Variants in ASL observed in about 807,000 individuals in gnomAD.
The protein encoded by ASL is argininosuccinate lyase, also known as argininosuccinase.
Under a neutral mutation model 69.1 loss-of-function variants are expected in ASL, and 51 were observed. That is an observed-to-expected ratio of 0.74 (90% CI 0.59 to 0.93). The LOEUF (loss-of-function observed/expected upper bound fraction) is 0.93, where lower values mean the gene tolerates loss of function less well. Ranked by LOEUF, ASL falls within the 40% of genes least tolerant of loss-of-function variation. The pLI, the probability that ASL is intolerant of heterozygous loss-of-function variation, is 0.00. For synonymous variants in ASL, 241 were observed against 247.6 expected, an observed-to-expected ratio of 0.97 and a Z score of 0.25; for missense variants, 540 against 623.9, an observed-to-expected ratio of 0.87 and a Z score of 1.43.
Position 66,081,922 on chromosome 7 carries a change from C to G in ASL, c.132C>G (p.Ala44=). ...AGGTGGATGTTCAAGGCAGCAAAGCCTACAGCAGGGGCCTGGAGAAGGCAG... is the reference window on the plus strand; with the variant it reads ...AGGTGGATGTTCAAGGCAGCAAAGCGTACAGCAGGGGCCTGGAGAAGGCAG... ...LWEVDVQGSK[A]YSRGLEKAGL... is the part of the protein sequence containing the mutation. The change falls in exon 3 of 17, where the codon GCC becomes GCG. Residue 44 remains alanine (A), a synonymous_variant. Transcript: ENST00000304874. The G allele has an allele frequency of 6.2e-7, 1 of 1,613,918 alleles. No homozygotes were observed. Among genetic ancestry groups the G allele is most frequent in the Non-Finnish European group, 8.5e-7 (1 of 1,179,974 alleles).
chr7:66,089,455 C>T (rs1253201749), intron 13 of ASL, 120 bp downstream of exon 13: 30 of 1,452,272 alleles, frequency 2.1e-5, no homozygotes, highest in Non-Finnish European at 2.6e-5. Flanking sequence ...CAGCTCCATC[C>T]GTGGCTGCCC....
rs577153510 is a variant in ASL at position 66,080,076 on chromosome 7, C to A, written c.13-1727C>A. 2.0e-5 allele frequency among the ~76,000 whole-genome samples: 3 copies of A among 152,002 alleles called. No individual in the cohort carries two copies. In the East Asian group the frequency reaches 5.8e-4, roughly 29 times the overall value. On this transcript the variant is annotated intron_variant, in intron 2 of 16. Transcript: ENST00000304874. Reference sequence around the variant, plus strand: ...CTCCAACCTGGGTAACAAAGTGAGACCCTGTGTCTAAAAAAGAATTTAAAG... The same window carrying A: ...CTCCAACCTGGGTAACAAAGTGAGAACCTGTGTCTAAAAAAGAATTTAAAG...
intron 15 of ASL, among the ~76,000 whole-genome samples, chr7:66,092,342 A>C (rs1338406652): frequency 4.6e-5 from 7 of 151,818 alleles, no homozygotes; most frequent in African/African-American, 1.7e-4. Context: ...CTGTAATCCC[A>C]GTTACTCGGG....
chr7:66,081,971 G>A lies in ASL; in HGVS notation c.181G>A (p.Asp61Asn). The A allele has an allele frequency of 6.2e-7, 1 of 1,611,992 alleles. No homozygotes were observed. The highest frequency in any genetic ancestry group is 2.2e-5 in the East Asian group (1 of 44,828). Residue 61 changes from aspartate (D) to asparagine (N), a missense_variant, in exon 3 of 17, where the codon GAC (aspartate) becomes AAC (asparagine). By Grantham distance (23) the Asp-to-Asn change is conservative. Coordinates refer to ENST00000304874, the MANE Select transcript of ASL (RefSeq NM_000048.4). Reference sequence around the variant, plus strand: ...AGGGCTCCTCACCAAGGCCGAGATGGACCAGATACTCCATGGCCTAGACAA... The same window carrying A: ...AGGGCTCCTCACCAAGGCCGAGATGAACCAGATACTCCATGGCCTAGACAA... ...KAGLLTKAEM[D>N]QILHGLDKVA...
At position 66,084,822 on chromosome 7, in the gene ASL, T is replaced by G. The variant is rs532175946; in HGVS notation, c.446+1648T>G. 4.8e-3 allele frequency among the ~76,000 whole-genome samples: 728 copies of G among 152,262 alleles called. 5 individuals carry two copies. Among genetic ancestry groups the G allele is most frequent in the Non-Finnish European group, 6.3e-3 (426 of 68,018 alleles). On this transcript the variant is annotated intron_variant, in intron 6 of 16. Transcript: ENST00000304874. ...TTTTAGTAGAGACGGGGTTTCACCA[T>G]GTTAGCCAGGATGGTCTCAATCTCC... is the stretch of plus-strand genomic sequence containing the variant.
At chr7:66,084,573 G>A (rs1422671331) in intron 6 of ASL, among the ~76,000 whole-genome samples, 2 of 151,988 alleles carry the variant, frequency 1.3e-5, no homozygotes, top group Non-Finnish European at 2.9e-5. Context: ...TCAAACTCCT[G>A]GACTCAAATG....
chr7:66,078,885 T>TGTGGGTTG (rs2115672579), intron 2 of ASL, among the ~76,000 whole-genome samples: 1 of 151,902 alleles, frequency 6.6e-6, no homozygotes, highest in South Asian at 2.1e-4. Context: ...TCCACCTGCC[T>TGTGGGTTG]GGGCCTCCCA....
chr7:66,084,066 G>A (rs1786589266), intron 6 of ASL, among the ~76,000 whole-genome samples: 4 of 152,110 alleles, frequency 2.6e-5, no homozygotes. Context: ...CACAAGAATT[G>A]TCACCCAGCA....
rs1429849711 is a variant in ASL, at chr7:66,092,552, C to T, written c.1144-5C>T. ...CTCAGCGCCATCTTCCTCCCTGGCA[C>T]CCAGATGCCATTCCGCCAGGCCCAC... On this transcript the variant is annotated splice_region_variant and splice_polypyrimidine_tract_variant and intron_variant, in intron 15 of 16. Coordinates refer to ENST00000304874, the MANE Select transcript of ASL (RefSeq NM_000048.4). 3 of 1,606,582 alleles carry T rather than the reference C, an allele frequency of 1.9e-6. No homozygotes were observed. Among genetic ancestry groups the T allele is most frequent in the Non-Finnish European group, 2.5e-6 (3 of 1,179,240 alleles).
chr7:66,086,301 C>T (rs560415301), intron 6 of ASL, among the ~76,000 whole-genome samples: 2 of 152,144 alleles, frequency 1.3e-5, no homozygotes, highest in South Asian at 2.1e-4. Flanking sequence ...GGCCCCTGCT[C>T]GGAGATGCTG....
chr7:66,092,402 G>C (rs912603190), intron 15 of ASL, among the ~76,000 whole-genome samples, 155 bp from the exon 16 acceptor site: 1 of 151,276 alleles, frequency 6.6e-6, no homozygotes, highest in Non-Finnish European at 1.5e-5. Context: ...TTTGCGGTGA[G>C]GTGAGATCGC....
Position 66,089,079 on chromosome 7 carries a change from C to T in ASL, c.834-12C>T. The stretch of plus-strand genomic sequence containing the variant: ...GGTCCAGCCCCTTCAGCGCCAGCAC[C>T]TCTGTCCCCAGCACGGGAAGCAGCC... On this transcript the variant is annotated splice_polypyrimidine_tract_variant and intron_variant, in intron 11 of 16. Coordinates refer to ENST00000304874, the MANE Select transcript of ASL (RefSeq NM_000048.4). 2 of 1,613,860 alleles carry T rather than the reference C, an allele frequency of 1.2e-6. No homozygotes were observed.
chr7:66,086,895 G>C, intron 8 of ASL, 74 bp downstream of exon 8: 1 of 1,503,498 alleles, frequency 6.7e-7, no homozygotes, highest in Non-Finnish European at 9.0e-7. Context: ...GACAGAGCTG[G>C]GAAGTGCAGA....
rs750770808 is a variant in ASL at position 66,083,147 on chromosome 7, T to C, written c.419T>C (p.Ile140Thr). Residue 140 changes from isoleucine to threonine, a missense_variant, in exon 6 of 17, where the codon ATT becomes ACT. By Grantham distance (89) the Ile-to-Thr change is moderately conservative. Transcript: ENST00000304874. ...STLSGLLWEL[I>T]RTMVDRAEAE... ...CTCTCGGGCCTCCTCTGGGAGCTCATTAGGACCATGGTGGATCGGGCAGAG... is the reference window on the plus strand; with the variant it reads ...CTCTCGGGCCTCCTCTGGGAGCTCACTAGGACCATGGTGGATCGGGCAGAG... 6.2e-7 allele frequency: 1 copy of C among 1,613,368 alleles called. No individual in the cohort carries two copies. Among genetic ancestry groups the C allele is most frequent in the South Asian group, 1.1e-5 (1 of 91,060 alleles).
chr7:66,084,837 T>G (rs1453233349), intron 6 of ASL, among the ~76,000 whole-genome samples: 1 of 152,122 alleles, frequency 6.6e-6, no homozygotes, highest in Non-Finnish European at 1.5e-5. Context: ...GCCAGGATGG[T>G]CTCAATCTCC....
intron 6 of ASL, among the ~76,000 whole-genome samples, chr7:66,084,794 T>C (rs542153426): frequency 7.2e-5 from 11 of 152,276 alleles, no homozygotes; most frequent in African/African-American, 2.6e-4. Flanking sequence ...TAATTTTTTG[T>C]ATTTTTAGTA....
At position 66,092,599 on chromosome 7, in the gene ASL, T is replaced by C. The variant is rs1410369095; in HGVS notation, c.1186T>C (p.Phe396Leu). The C allele has an allele frequency of 1.9e-6, 3 of 1,612,710 alleles. No homozygotes were observed. Among genetic ancestry groups the C allele is most frequent in the South Asian group, 1.1e-5 (1 of 91,074 alleles). The part of the protein sequence containing the change: ...QAHEASGKAV[F>L]MAETKGVALN... ...CCACGAGGCCTCCGGGAAAGCTGTG[T>C]TCATGGCCGAGACCAAGGGGGTCGC... is the stretch of plus-strand genomic sequence containing the variant. The change falls in exon 16 of 17, where the codon TTC becomes CTC. Residue 396 changes from phenylalanine to leucine, a missense_variant. Coordinates refer to ENST00000304874, the MANE Select transcript of ASL (RefSeq NM_000048.4).
chr7:66,087,243 CGTGTGTGTGTGTGTGTGTGTGTGTGT>C (rs60055215), intron 8 of ASL, 65 bp from the exon 9 acceptor site: 3 of 975,760 alleles, frequency 3.1e-6, no homozygotes, highest in African/African-American at 1.6e-5. Flanking sequence ...TGTGTGCGTT[CGTGTGTGTGTGTGTGTGTGTGTGTGT>C]GTGTGTGTGT....
At chr7:66,087,218 G>T in intron 8 of ASL, 116 bp from the exon 9 acceptor site, 1 of 1,311,584 alleles carries the variant, frequency 7.6e-7, no homozygotes, top group Non-Finnish European at 1.1e-6. Context: ...CTGGCAACCA[G>T]GACTTGGTTC....
Sources: gnomAD v4.1 joint callset for allele counts (sites outside exome capture counted in the v4.1 genomes callset) on GRCh38, gnomAD v4.1.1 for gene constraint, MANE v1.5 for transcripts, NCBI Gene and HGNC (gene_info 2026-07-23, HGNC 2026-07-21) for gene names.